ADAM19: variants seen among roughly 807,000 people sequenced by gnomAD.
ADAM19 encodes disintegrin and metalloproteinase domain-containing protein 19.
In ADAM19, 65 loss-of-function variants were observed where a neutral mutation model predicts 114.7. The ratio of observed to expected loss-of-function variants is 0.57; its 90% CI spans 0.46 to 0.70. The LOEUF is 0.70. Ranked by LOEUF, ADAM19 falls within the 30% of genes least tolerant of loss-of-function variation. The probability of loss-of-function intolerance (pLI) is 0.00; values close to 1 mark genes in which losing one functional copy is unlikely to be tolerated. For missense variants in ADAM19, 1,063 were observed against 1,204.7 expected, an observed-to-expected ratio of 0.88 and a Z score of 1.74; for synonymous variants, 466 against 460.5, an observed-to-expected ratio of 1.01 and a Z score of -0.15.
At chr5:157,506,494 G>C (rs966945389) in intron 10 of ADAM19, among the ~76,000 whole-genome samples, 1 of 152,164 alleles carries the variant, frequency 6.6e-6, no homozygotes, top group African/African-American at 2.4e-5. Context: ...TCAGACCCTA[G>C]AGCCTGTGGT....
At position 157,497,091 on chromosome 5, in the gene ADAM19, T is replaced by C. The variant is rs768869902; in HGVS notation, c.1399-2A>G. On this transcript the variant is annotated splice_acceptor_variant, in intron 13 of 22. Coordinates refer to ENST00000257527, the MANE Select transcript of ADAM19 (RefSeq NM_033274.5). LOFTEE classifies it high-confidence loss of function. Reference sequence around the variant, plus strand: ...GCACAGGGTCCCAGGAGCCAACAGCTGAGCCAAGGAATGAGAGGAAAACAC... The same window carrying C: ...GCACAGGGTCCCAGGAGCCAACAGCCGAGCCAAGGAATGAGAGGAAAACAC... The C allele has an allele frequency of 3.3e-6, 5 of 1,512,902 alleles. No homozygotes were observed. The highest frequency in any genetic ancestry group is 2.5e-5 in the Admixed American group (1 of 39,630). 93.7% of individuals were successfully genotyped at this position (1,512,902 alleles called of 1,614,324 possible).
chr5:157,519,694 A>G, intron 6 of ADAM19, 145 bp downstream of exon 6: 1 of 764,322 alleles, frequency 1.3e-6, no homozygotes, highest in Non-Finnish European at 2.1e-6. Flanking sequence ...ACACTCAACA[A>G]TGACAGAATA....
At chr5:157,573,386 G>T (rs895920513) in intron 1 of ADAM19, among the ~76,000 whole-genome samples, 4 of 152,218 alleles carry the variant, frequency 2.6e-5, no homozygotes, top group African/African-American at 9.6e-5. Context: ...ACTCTGTGAA[G>T]TTATATAATC....
intron 3 of ADAM19, among the ~76,000 whole-genome samples, chr5:157,561,008 T>C (rs1757493857): frequency 1.3e-5 from 2 of 152,294 alleles, no homozygotes; most frequent in South Asian, 4.1e-4. Flanking sequence ...ATGCACAAAC[T>C]GAGGCTTAAA....
At chr5:157,561,327 C>A (rs1489580762) in intron 3 of ADAM19, among the ~76,000 whole-genome samples, 3 of 152,216 alleles carry the variant, frequency 2.0e-5, no homozygotes, top group Non-Finnish European at 4.4e-5. Flanking sequence ...CCATTCTTGG[C>A]GATCTCTCCA....
In ADAM19 at chr5:157,519,866, T is replaced by G. The variant is rs1332417284; in HGVS notation, c.573A>C (p.Thr191=). 1.2e-6 allele frequency: 2 copies of G among 1,613,926 alleles called. No homozygotes were observed. The highest frequency in any genetic ancestry group is 2.2e-5 in the East Asian group (1 of 44,874). ...TGCGAGGTCGCTTCTTGGTCTGTTG[T>G]GTAAACTGAAGAGCCCAGTCCCTGG... The part of the protein sequence containing the change: ...PTTRDWALQF[T]QQTKKRPRRM... The change falls in exon 6 of 23, where the codon ACA becomes ACC. Residue 191 remains threonine, a synonymous_variant. Transcript: ENST00000257527.
In ADAM19 at chr5:157,542,552, T is replaced by G. The variant is rs576456527; in HGVS notation, c.252-4561A>C. ...AGGGCTGGGTGCAATGGCTCACGCCTCTAATCCCAGGACTTTGGGAGGCCG... is the reference window on the plus strand; with the variant it reads ...AGGGCTGGGTGCAATGGCTCACGCCGCTAATCCCAGGACTTTGGGAGGCCG... On this transcript the variant is annotated intron_variant, in intron 3 of 22. Transcript: ENST00000257527. 5.3e-5 allele frequency among the ~76,000 whole-genome samples: 8 copies of G among 152,300 alleles called. No individual in the cohort carries two copies. The South Asian group carries it at 1.7e-3, about 32-fold the overall frequency.
chr5:157,494,262 T>TGG (rs1561844773), intron 15 of ADAM19, among the ~76,000 whole-genome samples: 6 of 147,906 alleles, frequency 4.1e-5, no homozygotes, highest in Admixed American at 3.4e-4. Flanking sequence ...GATGGATGGA[T>TGG]AGATGGATGG....
intron 3 of ADAM19, among the ~76,000 whole-genome samples, chr5:157,559,606 A>C (rs1757458554): frequency 6.6e-6 from 1 of 152,216 alleles, no homozygotes; most frequent in South Asian, 2.1e-4. Context: ...CAGCTAACTA[A>C]GGAGGATTCC....
chr5:157,536,246 C>T (rs550035163), intron 4 of ADAM19, among the ~76,000 whole-genome samples: 20 of 152,300 alleles, frequency 1.3e-4, no homozygotes, highest in East Asian at 9.7e-4. Context: ...GTAATCTCAG[C>T]GCTTTGGGAG....
At chr5:157,562,266 G>C (rs1757529603) in intron 3 of ADAM19, among the ~76,000 whole-genome samples, 2 of 152,334 alleles carry the variant, frequency 1.3e-5, no homozygotes, top group African/African-American at 4.8e-5. Context: ...CATATTGCTT[G>C]GCTCTGCTGC....
rs1316326373 is a variant in ADAM19, at chr5:157,488,509, A to G, written c.2326-20T>C. On this transcript the variant is annotated intron_variant, in intron 20 of 22. Transcript: ENST00000257527. Reference sequence around the variant, plus strand: ...GATCACCTGTACGCACAAGTCAAGGAACACCTGAGACAAGAAATCACTCAG... The same window carrying G: ...GATCACCTGTACGCACAAGTCAAGGGACACCTGAGACAAGAAATCACTCAG... 2 of 1,541,570 alleles carry G rather than the reference A, an allele frequency of 1.3e-6. No homozygotes were observed. Among genetic ancestry groups the G allele is most frequent in the South Asian group, 1.2e-5 (1 of 81,980 alleles).
chr5:157,556,455 G>A (rs922945817), intron 3 of ADAM19, among the ~76,000 whole-genome samples: 3 of 152,036 alleles, frequency 2.0e-5, no homozygotes, highest in Non-Finnish European at 4.4e-5. Flanking sequence ...CTGACCTCAG[G>A]TGATTCACCT....
rs1474753044 is a variant in ADAM19, at chr5:157,479,893, C to T, written c.*1056G>A. ...AAGGGGAAACCTCACCTAGATTTAG[C>T]TTAGAGTAAGGAGGAAGACCCCCAC... On this transcript the variant is annotated 3_prime_UTR_variant, in exon 23 of 23. Transcript: ENST00000257527. 2 of 985,670 alleles carry T rather than the reference C, an allele frequency of 2.0e-6. No homozygotes were observed. The highest frequency in any genetic ancestry group is 2.3e-4 in the East Asian group (2 of 8,816). 61.1% of individuals were successfully genotyped at this position (985,670 alleles called of 1,614,324 possible).
chr5:157,488,935 CAGG>C (rs936298739), intron 20 of ADAM19, among the ~76,000 whole-genome samples, 164 bp downstream of exon 20: 85 of 152,274 alleles, frequency 5.6e-4, no homozygotes, highest in African/African-American at 1.9e-3. Context: ...GAGGCTGAGG[CAGG>C]AGAATGGCGT....
At chr5:157,531,854 T>G (rs1269750455) in intron 4 of ADAM19, among the ~76,000 whole-genome samples, 1 of 152,076 alleles carries the variant, frequency 6.6e-6, no homozygotes, top group Non-Finnish European at 1.5e-5. Context: ...ACACCAAGGA[T>G]GGCCAGAAGC....
chr5:157,537,885 G>A (rs1756807775), intron 4 of ADAM19, 28 bp downstream of exon 4: 6 of 1,594,650 alleles, frequency 3.8e-6, no homozygotes, highest in African/African-American at 1.3e-5. Flanking sequence ...GACAGCTGCT[G>A]GATAGACATT....
intron 8 of ADAM19, among the ~76,000 whole-genome samples, chr5:157,510,310 A>C (rs1755876835): frequency 6.6e-6 from 1 of 152,170 alleles, no homozygotes; most frequent in Admixed American, 6.5e-5. Flanking sequence ...CCCCATCTCT[A>C]CTAAAAATAC....
chr5:157,567,813 T>G (rs186526636), intron 2 of ADAM19, among the ~76,000 whole-genome samples: 2 of 144,414 alleles, frequency 1.4e-5, no homozygotes, highest in Non-Finnish European at 3.0e-5. Context: ...AAAAAAAAAA[T>G]AAAAAAGAAA....
Sources: gnomAD v4.1 joint callset for allele counts (sites outside exome capture counted in the v4.1 genomes callset) on GRCh38, gnomAD v4.1.1 for gene constraint, MANE v1.5 for transcripts, NCBI Gene and HGNC (gene_info 2026-07-23, HGNC 2026-07-21) for gene names.